GDAP2: variants seen among roughly 807,000 people sequenced by gnomAD.
GDAP2 encodes ganglioside-induced differentiation-associated protein 2.
In GDAP2, 51 loss-of-function variants were observed where a neutral mutation model predicts 67.0. That is an observed-to-expected ratio of 0.76 (90% CI 0.61 to 0.96). The LOEUF is 0.96. GDAP2 is among the 40% of genes least tolerant of loss of function. The probability of loss-of-function intolerance (pLI) is 0.00; values close to 1 mark genes in which losing one functional copy is unlikely to be tolerated. For missense variants in GDAP2, 547 were observed against 588.3 expected, an observed-to-expected ratio of 0.93 and a Z score of 0.73; for synonymous variants, 203 against 207.3, an observed-to-expected ratio of 0.98 and a Z score of 0.18.
At position 117,864,607 on chromosome 1, in the gene GDAP2, CTTGTT is replaced by C. The variant is rs1349165037; in HGVS notation, c.*5957_*5961del. 2 of 152,148 alleles carry C rather than the reference CTTGTT, an allele frequency of 1.3e-5. No homozygotes were observed. The highest frequency in any genetic ancestry group is 3.9e-4 in the East Asian group (2 of 5,190). 9.4% of individuals were successfully genotyped at this position (152,148 alleles called of 1,614,324 possible). On this transcript the variant is annotated 3_prime_UTR_variant, in exon 14 of 14. Coordinates refer to ENST00000369443, the MANE Select transcript of GDAP2 (RefSeq NM_017686.4). ...AGTTTTGCTTGTGTTAACCCATAAACTTGTTTTGGTTTTATACTTGTGCAAGACAT... is the reference window on the plus strand; with the variant it reads ...AGTTTTGCTTGTGTTAACCCATAAACTTGGTTTTATACTTGTGCAAGACAT...
chr1:117,875,184 C>T (rs1471130941), intron 13 of GDAP2, among the ~76,000 whole-genome samples: 1 of 152,198 alleles, frequency 6.6e-6, no homozygotes, highest in East Asian at 1.9e-4. Context: ...TTTGAGGTAG[C>T]TCCTCGCATC....
At chr1:117,877,445 T>G in intron 13 of GDAP2, 1 of 972,634 alleles carries the variant, frequency 1.0e-6, no homozygotes, top group Non-Finnish European at 1.2e-6. Context: ...ATAAACACAA[T>G]AGAATAAATT....
In GDAP2 at chr1:117,868,591, G is replaced by A. The variant is rs1332438782; in HGVS notation, c.*1978C>T. On this transcript the variant is annotated 3_prime_UTR_variant, in exon 14 of 14. Coordinates refer to ENST00000369443, the MANE Select transcript of GDAP2 (RefSeq NM_017686.4). ...CTCTACAGAAAATGGTTTGGGCCAG[G>A]TTCTTGAGGTAGCCAAGTTCCCCTT... 1.3e-5 allele frequency: 2 copies of A among 152,256 alleles called. No individual in the cohort carries two copies. Among genetic ancestry groups the A allele is most frequent in the South Asian group, 2.1e-4 (1 of 4,822 alleles). 9.4% of individuals were successfully genotyped at this position (152,256 alleles called of 1,614,324 possible). A position where few individuals can be genotyped will look rare whatever the true frequency, so the allele number is the denominator to read the frequency against.
In GDAP2 at chr1:117,878,151, AC is replaced by A; in HGVS notation, c.1303del (p.Val435CysfsTer14). 1 of 1,535,074 alleles carries A rather than the reference AC, an allele frequency of 6.5e-7. No homozygotes were observed. The highest frequency in any genetic ancestry group is 1.7e-4 in the Middle Eastern group (1 of 5,874). ...YFVHPTFRSK[V>X]STWFFTTFSV... ...AAAGGTGGTAAAAAACCATGTTGACACCTGATTAATAGAAGAGAAAAAATAA... is the reference window on the plus strand; with the variant it reads ...AAAGGTGGTAAAAAACCATGTTGACACTGATTAATAGAAGAGAAAAAATAA... On this transcript the variant is annotated frameshift_variant and splice_region_variant, in exon 13 of 14. Coordinates refer to ENST00000369443, the MANE Select transcript of GDAP2 (RefSeq NM_017686.4). LOFTEE classifies it high-confidence loss of function.
At position 117,866,754 on chromosome 1, in the gene GDAP2, TGA is replaced by T. The variant is rs1235468048; in HGVS notation, c.*3813_*3814del. On this transcript the variant is annotated 3_prime_UTR_variant, in exon 14 of 14. Coordinates refer to ENST00000369443, the MANE Select transcript of GDAP2 (RefSeq NM_017686.4). ...CTATAATCTCACTTACTGGGGAGGC[TGA>T]GACAGGAGAATCTCTTGAACCCAGG... 4 of 149,242 alleles carry T rather than the reference TGA, an allele frequency of 2.7e-5. No homozygotes were observed. Among genetic ancestry groups the T allele is most frequent in the Non-Finnish European group, 5.9e-5 (4 of 67,708 alleles). The allele number at this position is 149,242 out of a possible 1,614,324, so 9.2% of individuals were successfully genotyped here. A position where few individuals can be genotyped will look rare whatever the true frequency, so the allele number is the denominator to read the frequency against.
rs557269529 is a variant in GDAP2, at chr1:117,906,487, G to C, written c.636+19C>G. 1.5e-6 allele frequency: 2 copies of C among 1,308,786 alleles called. No individual in the cohort carries two copies. The highest frequency in any genetic ancestry group is 2.3e-5 in the East Asian group (1 of 43,394). The allele number at this position is 1,308,786 out of a possible 1,614,324, so 81.1% of individuals were successfully genotyped here. On this transcript the variant is annotated intron_variant, in intron 6 of 13. Transcript: ENST00000369443. Reference sequence around the variant, plus strand: ...AAGATAGAAATAAGATTTAAATAACGTAACAGTTAGCAAAATACCTCTTCA... The same window carrying C: ...AAGATAGAAATAAGATTTAAATAACCTAACAGTTAGCAAAATACCTCTTCA...
At chr1:117,882,682 T>C (rs1648697500) in intron 11 of GDAP2, among the ~76,000 whole-genome samples, 1 of 152,160 alleles carries the variant, frequency 6.6e-6, no homozygotes, top group African/African-American at 2.4e-5. Flanking sequence ...ACAACCCACA[T>C]TCAGAGTAAG....
At chr1:117,909,883 C>T (rs1649793184) in intron 5 of GDAP2, among the ~76,000 whole-genome samples, 1 of 152,006 alleles carries the variant, frequency 6.6e-6, no homozygotes, top group Admixed American at 6.6e-5. Context: ...TTCTTAACCC[C>T]CTATTCAGAA....
Position 117,869,834 on chromosome 1 carries a change from C to T in GDAP2, c.*735G>A, listed in dbSNP as rs1345067539. On this transcript the variant is annotated 3_prime_UTR_variant, in exon 14 of 14. Coordinates refer to ENST00000369443, the MANE Select transcript of GDAP2 (RefSeq NM_017686.4). ...TCTTAAGAGTACTAATATGTGCGGTCCTTTTGAATAAGACCAAATCATCCA... is the reference window on the plus strand; with the variant it reads ...TCTTAAGAGTACTAATATGTGCGGTTCTTTTGAATAAGACCAAATCATCCA... The T allele has an allele frequency of 6.6e-6, 1 of 152,284 alleles. No homozygotes were observed. Among genetic ancestry groups the T allele is most frequent in the Non-Finnish European group, 1.5e-5 (1 of 68,074 alleles). 9.4% of individuals were successfully genotyped at this position (152,284 alleles called of 1,614,324 possible). A position where few individuals can be genotyped will look rare whatever the true frequency, so the allele number is the denominator to read the frequency against.
intron 10 of GDAP2, 37 bp downstream of exon 10, chr1:117,886,540 A>G: frequency 9.3e-7 from 1 of 1,074,186 alleles, no homozygotes; most frequent in African/African-American, 1.5e-5. Context: ...TTTTTCAATC[A>G]ACATTGTTTG....
Position 117,878,083 on chromosome 1 carries a change from G to A in GDAP2, c.1372C>T (p.Leu458Phe), listed in dbSNP as rs757493297. 2 of 1,612,092 alleles carry A rather than the reference G, an allele frequency of 1.2e-6. No individual in the cohort carries two copies. Among genetic ancestry groups the A allele is most frequent in the Non-Finnish European group, 1.7e-6 (2 of 1,178,296 alleles). Reference sequence around the variant, plus strand: ...GATATGGCAGAAAACAGCTGGTGGAGGCTGTCCACATGGTGGATTTTGTCC... The same window carrying A: ...GATATGGCAGAAAACAGCTGGTGGAAGCTGTCCACATGGTGGATTTTGTCC... ...LKDKIHHVDS[L>F]HQLFSAISPE... Residue 458 changes from leucine to phenylalanine, a missense_variant, in exon 13 of 14, where the codon CTC becomes TTC. Transcript: ENST00000369443.
In GDAP2 at chr1:117,863,532, TA is replaced by T. The variant is rs1647964857; in HGVS notation, c.*7036del. 6.6e-6 allele frequency: 1 copy of T among 152,226 alleles called. No individual in the cohort carries two copies. Among genetic ancestry groups the T allele is most frequent in the Non-Finnish European group, 1.5e-5 (1 of 68,046 alleles). 9.4% of individuals were successfully genotyped at this position (152,226 alleles called of 1,614,324 possible). A position where few individuals can be genotyped will look rare whatever the true frequency, so the allele number is the denominator to read the frequency against. On this transcript the variant is annotated 3_prime_UTR_variant, in exon 14 of 14. Transcript: ENST00000369443. Reference sequence around the variant, plus strand: ...TAGCACAATCTGGCATGACTGCCTTTAAATGAAATCTGTATTTCACATCAAT... The same window carrying T: ...TAGCACAATCTGGCATGACTGCCTTTAATGAAATCTGTATTTCACATCAAT...
chr1:117,897,425 T>A (rs1649303622), intron 7 of GDAP2, among the ~76,000 whole-genome samples: 1 of 152,234 alleles, frequency 6.6e-6, no homozygotes, highest in African/African-American at 2.4e-5. Flanking sequence ...TTCTGTAAGG[T>A]GACATCCCAA....
At chr1:117,883,426 A>G (rs1006508971) in intron 11 of GDAP2, 62 bp downstream of exon 11, 16 of 1,227,720 alleles carry the variant, frequency 1.3e-5, no homozygotes, top group Non-Finnish European at 1.8e-5. Flanking sequence ...AATGTTTGCC[A>G]CTGCTTAATA....
chr1:117,883,304 C>G (rs973842928), intron 11 of GDAP2, 184 bp downstream of exon 11: 2 of 505,234 alleles, frequency 4.0e-6, no homozygotes, highest in African/African-American at 1.9e-5. Context: ...TATGAATTTA[C>G]TTTAATGCAA....
Position 117,866,452 on chromosome 1 carries a change from G to A in GDAP2, c.*4117C>T, listed in dbSNP as rs1004479246. 1 of 152,092 alleles carries A rather than the reference G, an allele frequency of 6.6e-6. No homozygotes were observed. The highest frequency in any genetic ancestry group is 2.4e-5 in the African/African-American group (1 of 41,390). The allele number at this position is 152,092 out of a possible 1,614,324, so 9.4% of individuals were successfully genotyped here. Reference sequence around the variant, plus strand: ...TAAAGCCCTCCTTTCATTCTTCATGGTCTTTTTGCAAAACAAGAGTTAATT... The same window carrying A: ...TAAAGCCCTCCTTTCATTCTTCATGATCTTTTTGCAAAACAAGAGTTAATT... On this transcript the variant is annotated 3_prime_UTR_variant, in exon 14 of 14. Coordinates refer to ENST00000369443, the MANE Select transcript of GDAP2 (RefSeq NM_017686.4).
chr1:117,919,634 T>G (rs1650172822), intron 2 of GDAP2, among the ~76,000 whole-genome samples: 1 of 152,144 alleles, frequency 6.6e-6, no homozygotes, highest in Non-Finnish European at 1.5e-5. Flanking sequence ...GTTATGCAAC[T>G]CTATGAATAT....
In GDAP2 at chr1:117,867,557, C is replaced by T. The variant is rs752313294; in HGVS notation, c.*3012G>A. The T allele has an allele frequency of 1.6e-3, 235 of 150,686 alleles. 1 individual carries two copies. The highest frequency in any genetic ancestry group is 2.4e-3 in the Non-Finnish European group (175 of 71,500). The allele number at this position is 150,686 out of a possible 1,614,324, so 9.3% of individuals were successfully genotyped here. Reference sequence around the variant, plus strand: ...AAAAAAAAAAAAAAAAAAAAATTAGCCAGGCATGGTGGCAGGCACCTGTAG... The same window carrying T: ...AAAAAAAAAAAAAAAAAAAAATTAGTCAGGCATGGTGGCAGGCACCTGTAG... On this transcript the variant is annotated 3_prime_UTR_variant, in exon 14 of 14. Coordinates refer to ENST00000369443, the MANE Select transcript of GDAP2 (RefSeq NM_017686.4).
chr1:117,888,632 A>T (rs531029479), intron 8 of GDAP2, among the ~76,000 whole-genome samples: 1 of 152,250 alleles, frequency 6.6e-6, no homozygotes, highest in African/African-American at 2.4e-5. Flanking sequence ...TTGATTGTGA[A>T]AACGCTTTCA....
Sources: gnomAD v4.1 joint callset for allele counts (sites outside exome capture counted in the v4.1 genomes callset) on GRCh38, gnomAD v4.1.1 for gene constraint, MANE v1.5 for transcripts, NCBI Gene and HGNC (gene_info 2026-07-23, HGNC 2026-07-21) for gene names.